Variants in MRPS28 observed in about 807,000 individuals in gnomAD.
MRPS28 encodes the protein mitochondrial ribosomal protein S28.
Under a neutral mutation model 10.8 loss-of-function variants are expected in MRPS28, and 7 were observed. The observed-to-expected ratio is 0.65, with a 90% confidence interval of 0.37 to 1.22. MRPS28 has a LOEUF of 1.22. MRPS28 is among the 50% of genes most tolerant of loss of function. The probability of loss-of-function intolerance (pLI) is 0.02; values close to 1 mark genes in which losing one functional copy is unlikely to be tolerated. For synonymous variants in MRPS28, 121 were observed against 93.3 expected (o/e 1.30, Z -1.71); for missense variants, 265 against 232.9 (o/e 1.14, Z -0.90).
intron 2 of MRPS28, among the ~76,000 whole-genome samples, chr8:79,925,843 T>G (rs937826381): frequency 1.3e-5 from 2 of 151,780 alleles, no homozygotes; most frequent in African/African-American, 4.8e-5. Flanking sequence ...AGAAATTAGC[T>G]AGGCATGGTG....
At chr8:79,999,320 C>A (rs1808592596) in intron 2 of MRPS28, among the ~76,000 whole-genome samples, 1 of 152,220 alleles carries the variant, frequency 6.6e-6, no homozygotes, top group Non-Finnish European at 1.5e-5. Flanking sequence ...GATCTCATTA[C>A]TTCCTTGTTC....
At chr8:79,922,327 T>C (rs867718162) in intron 2 of MRPS28, among the ~76,000 whole-genome samples, 2 of 152,278 alleles carry the variant, frequency 1.3e-5, no homozygotes, top group African/African-American at 2.4e-5. Context: ...ACAGCTCCTG[T>C]GGTTACCAGG....
intron 2 of MRPS28, among the ~76,000 whole-genome samples, chr8:79,923,990 C>G (rs1233163633): frequency 6.6e-6 from 1 of 152,162 alleles, no homozygotes; most frequent in Non-Finnish European, 1.5e-5. Context: ...TGATGGTTCT[C>G]ACAGACTTAA....
At chr8:79,980,455 T>G (rs775915759) in intron 2 of MRPS28, among the ~76,000 whole-genome samples, 1 of 152,248 alleles carries the variant, frequency 6.6e-6, no homozygotes, top group Non-Finnish European at 1.5e-5. Context: ...AAATGCCCTA[T>G]AGTTTTCAAA....
intron 2 of MRPS28, among the ~76,000 whole-genome samples, chr8:79,985,471 A>C (rs920891424): frequency 1.1e-4 from 17 of 152,174 alleles, no homozygotes; most frequent in East Asian, 1.9e-4. Flanking sequence ...CCTTCAAAAA[A>C]TTAATGAATC....
intron 2 of MRPS28, chr8:79,958,125 C>A (rs530305176): frequency 3.7e-4 from 129 of 351,896 alleles, no homozygotes; most frequent in Non-Finnish European, 5.8e-4. Context: ...ATTTTCATCA[C>A]CCCAAAAAAG....
At chr8:80,026,615 G>A (rs562011045) in intron 1 of MRPS28, among the ~76,000 whole-genome samples, 2 of 152,196 alleles carry the variant, frequency 1.3e-5, no homozygotes, top group East Asian at 3.9e-4. Context: ...AGAAAGACAA[G>A]GTCTCTGACC....
chr8:79,996,867 A>G (rs1400030387), intron 2 of MRPS28, among the ~76,000 whole-genome samples: 1 of 152,236 alleles, frequency 6.6e-6, no homozygotes, highest in East Asian at 1.9e-4. Flanking sequence ...AGTGAAGCAC[A>G]GCGGGGTGAA....
chr8:80,014,202 C>A (rs1315750109), intron 1 of MRPS28, among the ~76,000 whole-genome samples: 2 of 152,128 alleles, frequency 1.3e-5, no homozygotes, highest in African/African-American at 4.8e-5. Flanking sequence ...TAGCTAAAAA[C>A]AACAGAGGCA....
At chr8:79,979,457 C>A (rs1807892179) in intron 2 of MRPS28, among the ~76,000 whole-genome samples, 1 of 152,052 alleles carries the variant, frequency 6.6e-6, no homozygotes. Flanking sequence ...TGAAGTCTGG[C>A]AGCTTTTGTT....
chr8:79,942,063 C>T (rs1319729381), intron 2 of MRPS28, among the ~76,000 whole-genome samples: 2 of 152,130 alleles, frequency 1.3e-5, no homozygotes, highest in Non-Finnish European at 2.9e-5. Flanking sequence ...ATCTGAGACT[C>T]AACTTACATC....
chr8:80,015,540 T>C (rs1186056306), intron 1 of MRPS28, among the ~76,000 whole-genome samples: 3 of 152,174 alleles, frequency 2.0e-5, no homozygotes, highest in Non-Finnish European at 2.9e-5. Context: ...CTCATAAGAC[T>C]ATAGAACACT....
At chr8:79,920,022 T>C (rs192396292) in intron 2 of MRPS28, among the ~76,000 whole-genome samples, 152 of 143,442 alleles carry the variant, frequency 1.1e-3, no homozygotes, top group African/African-American at 3.7e-3. Context: ...TTCCCACCTA[T>C]AAGTGAGAAC....
At chr8:79,920,443 C>G (rs1291615794) in intron 2 of MRPS28, among the ~76,000 whole-genome samples, 1 of 152,202 alleles carries the variant, frequency 6.6e-6, no homozygotes, top group Non-Finnish European at 1.5e-5. Flanking sequence ...CACATCCTCT[C>G]CAGCACCTGT....
chr8:80,008,983 T>C (rs1808949333), intron 1 of MRPS28, among the ~76,000 whole-genome samples: 1 of 152,224 alleles, frequency 6.6e-6, no homozygotes, highest in African/African-American at 2.4e-5. Flanking sequence ...CACATATGTT[T>C]ACTGTGGCAC....
intron 2 of MRPS28, among the ~76,000 whole-genome samples, chr8:79,965,632 C>G (rs2130020398): frequency 6.6e-6 from 1 of 152,170 alleles, no homozygotes; most frequent in African/African-American, 2.4e-5. Context: ...ATCCTCATCA[C>G]TACACAGCTA....
chr8:80,016,745 T>C (rs139160238), intron 1 of MRPS28, among the ~76,000 whole-genome samples: 2 of 152,332 alleles, frequency 1.3e-5, no homozygotes, highest in East Asian at 3.9e-4. Flanking sequence ...GGGTTAATTA[T>C]CTGAAGAAGT....
chr8:79,923,997 TTAAAA>T (rs1306169172), intron 2 of MRPS28, among the ~76,000 whole-genome samples: 1 of 152,192 alleles, frequency 6.6e-6, no homozygotes, highest in African/African-American at 2.4e-5. Context: ...TCTCACAGAC[TTAAAA>T]TAGAGAGAAT....
intron 1 of MRPS28, among the ~76,000 whole-genome samples, chr8:80,004,470 C>A (rs1010207207): frequency 1.3e-5 from 2 of 152,154 alleles, no homozygotes; most frequent in Non-Finnish European, 2.9e-5. Flanking sequence ...GACATCCACA[C>A]CAAAACCCCA....
Sources: allele counts gnomAD v4.1 joint callset (sites outside exome capture counted in the v4.1 genomes callset), GRCh38; gene constraint gnomAD v4.1.1; transcripts MANE v1.5; gene names NCBI Gene and HGNC (gene_info 2026-07-23, HGNC 2026-07-21).